The following TCF12 variants were observed in gnomAD, a reference collection of about 807,000 sequenced individuals.
TCF12 encodes the protein transcription factor 12.
In TCF12, 45 loss-of-function variants were observed where a neutral mutation model predicts 86.0. The ratio of observed to expected loss-of-function variants is 0.52; its 90% CI spans 0.41 to 0.67. The LOEUF (loss-of-function observed/expected upper bound fraction) is 0.67. Ranked by LOEUF, TCF12 falls within the 30% of genes least tolerant of loss-of-function variation. The pLI is 0.00. For missense variants in TCF12, 881 were observed against 859.9 expected (o/e 1.02, Z -0.31); for synonymous variants, 330 against 299.6 (o/e 1.10, Z -1.05).
chr15:57,190,107 ATCTGGAATTTCGT>A (rs1285259682), intron 6 of TCF12, among the ~76,000 whole-genome samples: 1 of 152,126 alleles, frequency 6.6e-6, no homozygotes, highest in Non-Finnish European at 1.5e-5. Flanking sequence ...TGCTTAATGG[ATCTGGAATTTCGT>A]TTTGGGGTGA....
intron 5 of TCF12, among the ~76,000 whole-genome samples, chr15:57,102,001 A>G (rs976754980): frequency 1.3e-5 from 2 of 152,256 alleles, no homozygotes; most frequent in Non-Finnish European, 2.9e-5. Flanking sequence ...GTGGTCCAGC[A>G]TACCAATATC....
chr15:57,263,347 A>G (rs1567011635), intron 18 of TCF12, 73 bp downstream of exon 18: 2 of 1,476,102 alleles, frequency 1.4e-6, no homozygotes, highest in Non-Finnish European at 1.8e-6. Context: ...GCTGGGTGTC[A>G]TGCATTTATT....
intron 5 of TCF12, among the ~76,000 whole-genome samples, chr15:57,125,742 A>G (rs924373424): frequency 2.0e-5 from 3 of 152,208 alleles, no homozygotes; most frequent in Admixed American, 6.5e-5. Flanking sequence ...CTTATTGTTT[A>G]TGTAGTTTTA....
At chr15:56,962,312 C>T (rs1174434810) in intron 3 of TCF12, among the ~76,000 whole-genome samples, 1 of 152,120 alleles carries the variant, frequency 6.6e-6, no homozygotes, top group African/African-American at 2.4e-5. Flanking sequence ...TAATTGTTGT[C>T]AGTGCTGCTT....
chr15:57,145,764 C>G (rs2053312908), intron 5 of TCF12, among the ~76,000 whole-genome samples: 1 of 152,178 alleles, frequency 6.6e-6, no homozygotes, highest in South Asian at 2.1e-4. Flanking sequence ...TCCACCTGAT[C>G]TCTAAAAGCT....
intron 5 of TCF12, among the ~76,000 whole-genome samples, chr15:57,110,212 A>G (rs1369099903): frequency 2.0e-5 from 3 of 152,226 alleles, no homozygotes; most frequent in Non-Finnish European, 4.4e-5. Context: ...CACAATAAGA[A>G]AGATTTAATT....
intron 3 of TCF12, among the ~76,000 whole-genome samples, chr15:57,024,291 C>T (rs1277770362): frequency 2.1e-5 from 3 of 141,982 alleles, no homozygotes; most frequent in East Asian, 2.1e-4. Context: ...AGTGCGATCT[C>T]GGCTCACTGC....
chr15:57,192,365 C>G, intron 7 of TCF12, 72 bp downstream of exon 7: 1 of 1,516,710 alleles, frequency 6.6e-7, no homozygotes, highest in South Asian at 1.3e-5. Flanking sequence ...ATCTGTACTT[C>G]TGGCTATGCT....
At chr15:56,995,858 G>T (rs964489716) in intron 3 of TCF12, among the ~76,000 whole-genome samples, 4 of 152,106 alleles carry the variant, frequency 2.6e-5, no homozygotes, top group Admixed American at 1.3e-4. Context: ...AGGCATCCTT[G>T]TTCCAGTTCT....
intron 8 of TCF12, among the ~76,000 whole-genome samples, chr15:57,204,704 GA>G (rs1746977622): frequency 1.3e-5 from 2 of 151,270 alleles, no homozygotes. Context: ...ATACTAAGTA[GA>G]ATAAGAATAT....
chr15:57,192,927 T>C (rs1215647486), intron 7 of TCF12, among the ~76,000 whole-genome samples: 6 of 152,242 alleles, frequency 3.9e-5, no homozygotes, highest in Admixed American at 2.0e-4. Context: ...GTAATACTCT[T>C]GCTTGGTCCT....
chr15:57,067,085 A>C (rs1567352287), intron 4 of TCF12, among the ~76,000 whole-genome samples: 1 of 152,190 alleles, frequency 6.6e-6, no homozygotes, highest in Non-Finnish European at 1.5e-5. Flanking sequence ...TCACTCTAGC[A>C]TGGTTCCAGT....
At chr15:57,197,020 C>A (rs1045004186) in intron 7 of TCF12, among the ~76,000 whole-genome samples, 2 of 152,140 alleles carry the variant, frequency 1.3e-5, no homozygotes, top group East Asian at 1.9e-4. Context: ...AAGCCTAATT[C>A]TCAGTGTGAT....
At chr15:57,152,827 A>G (rs75669454) in intron 5 of TCF12, among the ~76,000 whole-genome samples, 3,294 of 152,044 alleles carry the variant, frequency 0.022, 113 homozygotes, top group African/African-American at 0.075. Context: ...CCATAGATGC[A>G]AGACTTAAGA....
chr15:57,165,163 T>TGTGTGCGC (rs59380805), intron 5 of TCF12, among the ~76,000 whole-genome samples: 1 of 149,286 alleles, frequency 6.7e-6, no homozygotes, highest in Non-Finnish European at 1.5e-5. Flanking sequence ...TGTGTGTGTG[T>TGTGTGCGC]GCGTACACGA....
chr15:57,022,696 T>C (rs2733181), intron 3 of TCF12, among the ~76,000 whole-genome samples: 96,199 of 152,052 alleles, frequency 0.63, 32,135 homozygotes, highest in African/African-American at 0.86. Flanking sequence ...AGTGTAAAAG[T>C]GTTCCTATTT....
At chr15:57,260,198 C>G (rs1442632495) in intron 16 of TCF12, among the ~76,000 whole-genome samples, 1 of 152,148 alleles carries the variant, frequency 6.6e-6, no homozygotes, top group Non-Finnish European at 1.5e-5. Flanking sequence ...CAAAACAAAT[C>G]TAGCACCCAT....
At chr15:57,136,848 C>T (rs538482418) in intron 5 of TCF12, among the ~76,000 whole-genome samples, 2 of 151,930 alleles carry the variant, frequency 1.3e-5, no homozygotes, top group African/African-American at 4.8e-5. Flanking sequence ...GAGACAATTT[C>T]CCATGTCGCC....
At chr15:57,173,514 A>G (rs1238816339) in intron 6 of TCF12, among the ~76,000 whole-genome samples, 1 of 152,106 alleles carries the variant, frequency 6.6e-6, no homozygotes, top group African/African-American at 2.4e-5. Flanking sequence ...GGGGAAGGAG[A>G]AGAGAACAAG....
Sources: allele counts gnomAD v4.1 joint callset (sites outside exome capture counted in the v4.1 genomes callset), GRCh38; gene constraint gnomAD v4.1.1; transcripts MANE v1.5; gene names NCBI Gene and HGNC (gene_info 2026-07-23, HGNC 2026-07-21).